The following PLXDC2 variants were observed in gnomAD, a reference collection of about 807,000 sequenced individuals.
The protein encoded by PLXDC2 is plexin domain containing 2, also known as plexin domain-containing protein 2.
In PLXDC2, 40 loss-of-function variants were observed where a neutral mutation model predicts 68.9. The ratio of observed to expected loss-of-function variants is 0.58; its 90% confidence interval spans 0.45 to 0.76. PLXDC2 has a LOEUF of 0.76. Among genes scored for constraint, PLXDC2 ranks in the 30% least tolerant of loss-of-function variants. The pLI is 0.00. For synonymous variants in PLXDC2, 243 were observed against 234.2 expected, an observed-to-expected ratio of 1.04 and a Z score of -0.34; for missense variants, 644 against 661.9, an observed-to-expected ratio of 0.97 and a Z score of 0.30.
chr10:19,845,050 C>G (rs1366938301), intron 1 of PLXDC2, among the ~76,000 whole-genome samples: 1 of 152,156 alleles, frequency 6.6e-6, no homozygotes, highest in East Asian at 1.9e-4. Context: ...GGACATGACA[C>G]AGGTTCTTCC....
intron 9 of PLXDC2, among the ~76,000 whole-genome samples, chr10:20,208,442 TC>T (rs924910003): frequency 2.0e-5 from 2 of 98,190 alleles, no homozygotes; most frequent in Admixed American, 1.9e-4. Flanking sequence ...TTAGATTATC[TC>T]CCACTGGGTC....
chr10:20,218,374 G>A (rs1468759223), intron 11 of PLXDC2, among the ~76,000 whole-genome samples: 1 of 152,106 alleles, frequency 6.6e-6, no homozygotes, highest in Non-Finnish European at 1.5e-5. Flanking sequence ...ATTATAAGGT[G>A]AACTGGAATA....
chr10:19,951,688 C>T (rs1833994855), intron 1 of PLXDC2, among the ~76,000 whole-genome samples: 1 of 152,182 alleles, frequency 6.6e-6, no homozygotes, highest in Non-Finnish European at 1.5e-5. Context: ...ACCAAAGAGA[C>T]ACTTGTACTT....
chr10:20,089,113 T>A (rs1833239673), intron 4 of PLXDC2, among the ~76,000 whole-genome samples: 1 of 151,518 alleles, frequency 6.6e-6, no homozygotes, highest in African/African-American at 2.4e-5. Flanking sequence ...ATACGGAACA[T>A]TAACATAAGT....
intron 1 of PLXDC2, among the ~76,000 whole-genome samples, chr10:19,941,616 C>T (rs1259220440): frequency 2.6e-5 from 4 of 152,158 alleles, no homozygotes; most frequent in Non-Finnish European, 4.4e-5. Context: ...CAAAGGGGGT[C>T]TGTCACTTTA....
At chr10:20,241,873 C>T (rs367990158) in intron 12 of PLXDC2, among the ~76,000 whole-genome samples, 3 of 152,262 alleles carry the variant, frequency 2.0e-5, no homozygotes, top group South Asian at 2.1e-4. Flanking sequence ...ATGGCAGATA[C>T]TGACCTAAAA....
rs117280810 is a variant in PLXDC2, at chr10:20,244,184, C to T, written c.1313-1161C>T. On this transcript the variant is annotated intron_variant, in intron 12 of 13. Coordinates refer to ENST00000377252, the MANE Select transcript of PLXDC2 (RefSeq NM_032812.9). ...TTCAGAATACCAGTCATATGGTGCA[C>T]TTAAGATACAACTTACTGTATCTTA... Among the ~76,000 whole-genome samples the T allele has an allele frequency of 1.3e-3, 194 of 152,224 alleles. 6 individuals are homozygous for T. In the East Asian group the frequency reaches 0.037, roughly 29 times the overall value.
intron 2 of PLXDC2, among the ~76,000 whole-genome samples, chr10:20,028,580 A>G (rs927165204): frequency 2.0e-5 from 3 of 152,276 alleles, no homozygotes; most frequent in Admixed American, 2.0e-4. Context: ...ATGTTAACTG[A>G]CATAAGTTAC....
chr10:19,880,006 G>A (rs16919504), intron 1 of PLXDC2, among the ~76,000 whole-genome samples: 11,763 of 152,186 alleles, frequency 0.077, 1,512 homozygotes, highest in African/African-American at 0.27. Context: ...ACCATTCCAT[G>A]TAAGAAACTG....
intron 1 of PLXDC2, among the ~76,000 whole-genome samples, chr10:19,974,125 A>G (rs1157876386): frequency 6.6e-6 from 1 of 152,262 alleles, no homozygotes; most frequent in Non-Finnish European, 1.5e-5. Context: ...GAGATCATCA[A>G]TAGTTTGCCT....
intron 4 of PLXDC2, among the ~76,000 whole-genome samples, chr10:20,096,455 A>G (rs1225303135): frequency 2.0e-5 from 3 of 152,032 alleles, no homozygotes; most frequent in Non-Finnish European, 4.4e-5. Flanking sequence ...GGAGTGTAGG[A>G]TGGTGATAAA....
rs1297348186 is a variant in PLXDC2, at chr10:20,283,366, T to C, written c.*3547T>C. The stretch of plus-strand genomic sequence containing the variant: ...TATGCAACCTGATTAAATGTACAGA[T>C]GTGCAGACTCTTAAAAACCTTATGT... On this transcript the variant is annotated 3_prime_UTR_variant, in exon 14 of 14. Coordinates refer to ENST00000377252, the MANE Select transcript of PLXDC2 (RefSeq NM_032812.9). 1 of 152,236 alleles carries C rather than the reference T, an allele frequency of 6.6e-6. No individual in the cohort carries two copies. The highest frequency in any genetic ancestry group is 6.5e-5 in the Admixed American group (1 of 15,288). The allele number at this position is 152,236 out of a possible 1,614,324, so 9.4% of individuals were successfully genotyped here.
intron 1 of PLXDC2, among the ~76,000 whole-genome samples, chr10:19,837,363 C>T (rs1836814081): frequency 6.6e-6 from 1 of 150,656 alleles, no homozygotes. Context: ...TGCAACATTG[C>T]TCTGTTTTCT....
intron 9 of PLXDC2, among the ~76,000 whole-genome samples, chr10:20,210,426 G>C (rs1042269016): frequency 3.3e-5 from 5 of 152,150 alleles, no homozygotes; most frequent in Non-Finnish European, 7.3e-5. Flanking sequence ...TGCTTTATCA[G>C]AATGTGCTCT....
intron 3 of PLXDC2, among the ~76,000 whole-genome samples, chr10:20,057,015 G>A (rs1176742387): frequency 2.0e-5 from 3 of 152,088 alleles, no homozygotes; most frequent in South Asian, 4.1e-4. Context: ...AATAAACAAG[G>A]CAGGTATTTA....
chr10:20,046,526 T>C (rs1206596934), intron 2 of PLXDC2, among the ~76,000 whole-genome samples: 3 of 152,138 alleles, frequency 2.0e-5, no homozygotes, highest in African/African-American at 7.2e-5. Flanking sequence ...TCTCGATTGA[T>C]GATTTGTGAA....
intron 13 of PLXDC2, among the ~76,000 whole-genome samples, chr10:20,251,848 C>G (rs1341244710): frequency 6.6e-6 from 1 of 151,628 alleles, no homozygotes; most frequent in African/African-American, 2.4e-5. Flanking sequence ...TTTGATTGCT[C>G]TGTTCACATA....
At chr10:20,015,769 G>A (rs1254795392) in intron 2 of PLXDC2, among the ~76,000 whole-genome samples, 2 of 152,086 alleles carry the variant, frequency 1.3e-5, no homozygotes, top group African/African-American at 4.8e-5. Flanking sequence ...CACCATAAAT[G>A]GCAATCTCCA....
At chr10:19,940,942 C>A (rs1384564439) in intron 1 of PLXDC2, among the ~76,000 whole-genome samples, 1 of 152,190 alleles carries the variant, frequency 6.6e-6, no homozygotes, top group African/African-American at 2.4e-5. Flanking sequence ...CTGCTAGAAT[C>A]ATTTACTTGC....
Sources: allele counts gnomAD v4.1 joint callset (sites outside exome capture counted in the v4.1 genomes callset), GRCh38; gene constraint gnomAD v4.1.1; transcripts MANE v1.5; gene names NCBI Gene and HGNC (gene_info 2026-07-23, HGNC 2026-07-21).